Variants in GAB1 observed in about 807,000 individuals in gnomAD.
The protein encoded by GAB1 is GRB2-associated-binding protein 1.
In GAB1, 19 loss-of-function variants were observed where a neutral mutation model predicts 66.5. That is an observed-to-expected ratio of 0.29 (90% CI 0.20 to 0.42). The LOEUF is 0.42. GAB1 is among the 10% of genes least tolerant of loss of function. The pLI, the probability that GAB1 is intolerant of heterozygous loss-of-function variation, is 1.00. For synonymous variants in GAB1, 294 were observed against 301.4 expected, an observed-to-expected ratio of 0.98 and a Z score of 0.25; for missense variants, 732 against 858.5, an observed-to-expected ratio of 0.85 and a Z score of 1.84.
chr4:143,454,294 GC>G (rs1735073835), intron 6 of GAB1, among the ~76,000 whole-genome samples: 1 of 152,180 alleles, frequency 6.6e-6, no homozygotes, highest in Non-Finnish European at 1.5e-5. Flanking sequence ...AATAGAAGTA[GC>G]TGGATTGAAT....
At chr4:143,362,002 C>T (rs13101346) in intron 1 of GAB1, among the ~76,000 whole-genome samples, 76,266 of 151,128 alleles carry the variant, frequency 0.5, 20,140 homozygotes, top group African/African-American at 0.66. Flanking sequence ...CAAGCAATCC[C>T]CCCACCTTGG....
At chr4:143,398,761 G>A (rs1269172947) in intron 1 of GAB1, among the ~76,000 whole-genome samples, 1 of 152,040 alleles carries the variant, frequency 6.6e-6, no homozygotes, top group Non-Finnish European at 1.5e-5. Flanking sequence ...TAAAACTCCA[G>A]TATAAAATGG....
At chr4:143,384,599 A>G (rs1049863726) in intron 1 of GAB1, among the ~76,000 whole-genome samples, 5 of 152,202 alleles carry the variant, frequency 3.3e-5, no homozygotes, top group African/African-American at 1.2e-4. Flanking sequence ...GCTACACCCG[A>G]CAGACTAGGG....
chr4:143,435,558 C>G (rs1194724925), intron 3 of GAB1, among the ~76,000 whole-genome samples: 1 of 152,154 alleles, frequency 6.6e-6, no homozygotes, highest in Non-Finnish European at 1.5e-5. Flanking sequence ...AACTTATGCT[C>G]AAAATCATCA....
intron 8 of GAB1, among the ~76,000 whole-genome samples, chr4:143,463,752 A>G (rs1335816975): frequency 6.6e-6 from 1 of 152,188 alleles, no homozygotes; most frequent in Admixed American, 6.5e-5. Context: ...AGGCTAGAAT[A>G]CAGACAGGCT....
rs1736089537 is a variant in GAB1, at chr4:143,471,713, C to G, written c.*2524C>G. 6.6e-6 allele frequency: 1 copy of G among 152,080 alleles called. No homozygotes were observed. Among genetic ancestry groups the G allele is most frequent in the Non-Finnish European group, 1.5e-5 (1 of 67,992 alleles). 9.4% of individuals were successfully genotyped at this position (152,080 alleles called of 1,614,324 possible). A position where few individuals can be genotyped will look rare whatever the true frequency, so the allele number is the denominator to read the frequency against. On this transcript the variant is annotated 3_prime_UTR_variant, in exon 10 of 10. Coordinates refer to ENST00000262994, the MANE Select transcript of GAB1 (RefSeq NM_002039.4). ...AAAATAATAGGTTTTAAACATACAT[C>G]TCAGGAAATTCTTTAATTAGAGATA...
chr4:143,464,704 G>A (rs184613973), intron 8 of GAB1, among the ~76,000 whole-genome samples: 3 of 152,178 alleles, frequency 2.0e-5, no homozygotes, highest in East Asian at 1.9e-4. Context: ...AGCTGCAGTC[G>A]CCCACAGCAC....
chr4:143,394,627 A>T (rs1731350568), intron 1 of GAB1, among the ~76,000 whole-genome samples: 1 of 152,186 alleles, frequency 6.6e-6, no homozygotes, highest in Non-Finnish European at 1.5e-5. Context: ...TAGTTTCATC[A>T]TCATCATCAA....
intron 1 of GAB1, among the ~76,000 whole-genome samples, chr4:143,348,334 A>C (rs1729054003): frequency 6.6e-6 from 1 of 152,222 alleles, no homozygotes; most frequent in South Asian, 2.1e-4. Flanking sequence ...TATATAGCCC[A>C]CAGCAACTCA....
chr4:143,459,292 CTA>C (rs1345086403), intron 6 of GAB1, 91 bp from the exon 7 acceptor site: 2 of 760,820 alleles, frequency 2.6e-6, no homozygotes, highest in Non-Finnish European at 2.3e-6. Flanking sequence ...TTTACTCTGG[CTA>C]TCAAATATAA....
intron 1 of GAB1, among the ~76,000 whole-genome samples, chr4:143,366,596 A>G (rs1031708013): frequency 6.6e-6 from 1 of 152,124 alleles, no homozygotes; most frequent in Non-Finnish European, 1.5e-5. Context: ...ATCAGTAAAC[A>G]CTGTTATTGT....
chr4:143,437,083 A>T (rs1245883262), intron 3 of GAB1, among the ~76,000 whole-genome samples: 1 of 152,174 alleles, frequency 6.6e-6, no homozygotes, highest in Non-Finnish European at 1.5e-5. Context: ...CTGATAGTAA[A>T]GGGGGAGACT....
At chr4:143,458,883 T>G (rs1409865133) in intron 6 of GAB1, among the ~76,000 whole-genome samples, 1 of 152,032 alleles carries the variant, frequency 6.6e-6, no homozygotes, top group African/African-American at 2.4e-5. Flanking sequence ...ATTCGAACAT[T>G]TTTTCAGTTT....
intron 1 of GAB1, among the ~76,000 whole-genome samples, chr4:143,399,160 C>T (rs1731617189): frequency 6.6e-6 from 1 of 152,134 alleles, no homozygotes; most frequent in Non-Finnish European, 1.5e-5. Flanking sequence ...ACGTCTAGGA[C>T]ATCTGAAAAC....
In GAB1 at chr4:143,471,170, C is replaced by T. The variant is rs544052050; in HGVS notation, c.*1981C>T. 3.9e-5 allele frequency: 6 copies of T among 152,232 alleles called. No individual in the cohort carries two copies. The East Asian group carries it at 9.6e-4, about 24-fold the overall frequency. 9.4% of individuals were successfully genotyped at this position (152,232 alleles called of 1,614,324 possible). On this transcript the variant is annotated 3_prime_UTR_variant, in exon 10 of 10. Transcript: ENST00000262994. ...ATTAATTCAAAAATAAAAATCTTTA[C>T]AGCTGCCTATCAAGGGTCTAAAGCA...
intron 2 of GAB1, among the ~76,000 whole-genome samples, chr4:143,421,489 G>A (rs1237214606): frequency 1.3e-5 from 2 of 152,036 alleles, no homozygotes; most frequent in Non-Finnish European, 2.9e-5. Context: ...GTTTTCCAAA[G>A]TTAGTGTACC....
intron 1 of GAB1, among the ~76,000 whole-genome samples, chr4:143,403,636 A>G (rs1231848103): frequency 2.6e-5 from 4 of 152,212 alleles, no homozygotes; most frequent in African/African-American, 7.2e-5. Context: ...GGAAAGAGGA[A>G]GATGTCATTA....
At chr4:143,407,049 G>A (rs1732084957) in intron 1 of GAB1, among the ~76,000 whole-genome samples, 2 of 152,162 alleles carry the variant, frequency 1.3e-5, no homozygotes, top group Non-Finnish European at 2.9e-5. Flanking sequence ...AATTGTCTCT[G>A]TAGTAAGATG....
intron 6 of GAB1, among the ~76,000 whole-genome samples, chr4:143,445,432 T>G (rs1734457135): frequency 6.6e-6 from 1 of 152,170 alleles, no homozygotes; most frequent in African/African-American, 2.4e-5. Flanking sequence ...CATTTTTTAA[T>G]GGGGTTACTT....
Sources: gnomAD v4.1 joint callset for allele counts (sites outside exome capture counted in the v4.1 genomes callset) on GRCh38, gnomAD v4.1.1 for gene constraint, MANE v1.5 for transcripts, NCBI Gene and HGNC (gene_info 2026-07-23, HGNC 2026-07-21) for gene names.